Variants in RXRB observed in about 807,000 individuals in gnomAD.
RXRB encodes retinoic acid receptor RXR-beta.
Under a neutral mutation model 52.5 loss-of-function variants are expected in RXRB, and 18 were observed. The ratio of observed to expected loss-of-function variants is 0.34; its 90% CI spans 0.24 to 0.51. RXRB has a LOEUF of 0.51. Among genes scored for constraint, RXRB ranks in the 20% least tolerant of loss-of-function variants. The pLI, the probability that RXRB is intolerant of heterozygous loss-of-function variation, is 0.97. For missense variants in RXRB, 455 were observed against 698.2 expected, an observed-to-expected ratio of 0.65 and a Z score of 3.92; for synonymous variants, 233 against 267.1, an observed-to-expected ratio of 0.87 and a Z score of 1.25.
At chr6:33,198,600 T>G in intron 2 of RXRB, 136 bp from the exon 3 acceptor site, 1 of 878,960 alleles carries the variant, frequency 1.1e-6, no homozygotes, top group Non-Finnish European at 1.9e-6. Flanking sequence ...TACACTGCAG[T>G]CTATGTGAAA....
Position 33,196,466 on chromosome 6 carries a change from C to T in RXRB, c.961G>A (p.Gly321Ser), listed in dbSNP as rs756533342. The change falls in exon 5 of 10, where the codon GGT (glycine) becomes AGT (serine). Residue 321 changes from glycine (G) to serine (S), a missense_variant. Coordinates refer to ENST00000374680, the MANE Select transcript of RXRB (RefSeq NM_021976.5). This position sits in a 1 kb window ranked among gnomAD's most constrained non-coding sequence, Gnocchi z 4.0. ...VEQKSDQGVEGPGGTGGSGSS... is the reference protein window; with the variant it reads ...VEQKSDQGVESPGGTGGSGSS... ...CCGCTACCCCCGGTTCCCCCAGGACCCTCAACGCCCTGGTCACTCTTCTGT... is the reference window on the plus strand; with the variant it reads ...CCGCTACCCCCGGTTCCCCCAGGACTCTCAACGCCCTGGTCACTCTTCTGT... The T allele has an allele frequency of 7.4e-6, 12 of 1,612,956 alleles. No homozygotes were observed. In the African/African-American group the frequency reaches 1.5e-4, roughly 20 times the overall value.
chr6:33,194,620 C>G lies in RXRB; in HGVS notation c.*62G>C. On this transcript the variant is annotated 3_prime_UTR_variant, in exon 10 of 10. Transcript: ENST00000374680. The surrounding 1 kb of genome is among the most constrained non-coding windows in gnomAD (Gnocchi z 4.1). ...CATGGCCCCCCACCCTGCCCCAGGGCTTGGAGTCCCTCTTGGATGTGTGCT... is the reference window on the plus strand; with the variant it reads ...CATGGCCCCCCACCCTGCCCCAGGGGTTGGAGTCCCTCTTGGATGTGTGCT... 1 of 1,570,096 alleles carries G rather than the reference C, an allele frequency of 6.4e-7. No individual in the cohort carries two copies. The highest frequency in any genetic ancestry group is 8.7e-7 in the Non-Finnish European group (1 of 1,155,090).
At position 33,200,191 on chromosome 6, in the gene RXRB, T is replaced by A. The variant is rs1379221833; in HGVS notation, c.235+51A>T. 2 of 1,582,098 alleles carry A rather than the reference T, an allele frequency of 1.3e-6. No homozygotes were observed. The highest frequency in any genetic ancestry group is 2.3e-5 in the South Asian group (2 of 88,610). On this transcript the variant is annotated intron_variant, in intron 1 of 9. Transcript: ENST00000374680. The surrounding 1 kb of genome is among the most constrained non-coding windows in gnomAD (Gnocchi z 6.3). ...ACCGGGGGAGGGTGTGGGGGAGGGG[T>A]CGCAGATAAAGCGGTCACTGGCTCG...
chr6:33,196,357 G>T lies in RXRB; in HGVS notation c.993+77C>A. The T allele has an allele frequency of 7.2e-7, 1 of 1,391,372 alleles. No homozygotes were observed. The highest frequency in any genetic ancestry group is 1.0e-6 in the Non-Finnish European group (1 of 978,640). The allele number at this position is 1,391,372 out of a possible 1,614,324, so 86.2% of individuals were successfully genotyped here. ...GAAGGTTATGAGGGGAAAGGAGGGG[G>T]AGGGGATGTAGAACAGACCTAGACT... On this transcript the variant is annotated intron_variant, in intron 5 of 9. Coordinates refer to ENST00000374680, the MANE Select transcript of RXRB (RefSeq NM_021976.5). This position sits in a 1 kb window ranked among gnomAD's most constrained non-coding sequence, Gnocchi z 4.0.
At position 33,196,431 on chromosome 6, in the gene RXRB, C is replaced by CA; in HGVS notation, c.993+2dup. The stretch of plus-strand genomic sequence containing the variant: ...AGGAGAGTGGATTGACCCCAACACT[C>CA]ACGCTGCTGCCGCTACCCCCGGTTC... On this transcript the variant is annotated splice_region_variant and intron_variant, in intron 5 of 9. Transcript: ENST00000374680. The surrounding 1 kb of genome is among the most constrained non-coding windows in gnomAD (Gnocchi z 4.0). 6.2e-7 allele frequency: 1 copy of CA among 1,612,904 alleles called. No individual in the cohort carries two copies. The highest frequency in any genetic ancestry group is 2.2e-5 in the East Asian group (1 of 44,876).
At position 33,195,149 on chromosome 6, in the gene RXRB, C is replaced by T; in HGVS notation, c.1349-99G>A. 1.1e-6 allele frequency: 1 copy of T among 917,074 alleles called. No individual in the cohort carries two copies. The highest frequency in any genetic ancestry group is 2.0e-5 in the Admixed American group (1 of 51,046). The allele number at this position is 917,074 out of a possible 1,614,324, so 56.8% of individuals were successfully genotyped here. On this transcript the variant is annotated intron_variant, in intron 8 of 9. Transcript: ENST00000374680. The surrounding 1 kb of genome is among the most constrained non-coding windows in gnomAD (Gnocchi z 8.6). Reference sequence around the variant, plus strand: ...CACAGGATGCCCCTTTTGGGCTGCACTTGCTTGCCCTTTACCAGAGGCCTG... The same window carrying T: ...CACAGGATGCCCCTTTTGGGCTGCATTTGCTTGCCCTTTACCAGAGGCCTG...
At position 33,200,486 on chromosome 6, in the gene RXRB, C is replaced by A; in HGVS notation, c.-10G>T. ...GAGCGGCCCAAGACATGATCCCTGG[C>A]TGAGAGTAGGGATACCGAAGAGGTC... On this transcript the variant is annotated 5_prime_UTR_variant, in exon 1 of 10. Coordinates refer to ENST00000374680, the MANE Select transcript of RXRB (RefSeq NM_021976.5). This position sits in a 1 kb window ranked among gnomAD's most constrained non-coding sequence, Gnocchi z 6.3. 1 of 1,585,894 alleles carries A rather than the reference C, an allele frequency of 6.3e-7. No individual in the cohort carries two copies. The highest frequency in any genetic ancestry group is 1.8e-5 in the Admixed American group (1 of 56,300).
chr6:33,194,428 T>C lies in RXRB; in HGVS notation c.*254A>G, dbSNP rs938206844. 2.0e-5 allele frequency: 10 copies of C among 498,256 alleles called. No homozygotes were observed. The highest frequency in any genetic ancestry group is 1.9e-4 in the African/African-American group (10 of 51,636). 30.9% of individuals were successfully genotyped at this position (498,256 alleles called of 1,614,324 possible). On this transcript the variant is annotated 3_prime_UTR_variant, in exon 10 of 10. Transcript: ENST00000374680. The surrounding 1 kb of genome is among the most constrained non-coding windows in gnomAD (Gnocchi z 4.1). ...ACAGAGGGTGAGAAATCACCCCAAATCATGGGAGAACCCGACAAATTCAGA... is the reference window on the plus strand; with the variant it reads ...ACAGAGGGTGAGAAATCACCCCAAACCATGGGAGAACCCGACAAATTCAGA...
At chr6:33,199,140 C>A in intron 2 of RXRB, 29 bp downstream of exon 2, 1 of 1,290,012 alleles carries the variant, frequency 7.8e-7, no homozygotes, top group Non-Finnish European at 9.9e-7. Flanking sequence ...TGAAAGTGGC[C>A]AGGCAGTAAG....
Position 33,194,792 on chromosome 6 carries a change from A to G in RXRB, c.1492T>C (p.Ser498Pro). The G allele has an allele frequency of 6.2e-7, 1 of 1,613,064 alleles. No individual in the cohort carries two copies. Among genetic ancestry groups the G allele is most frequent in the Non-Finnish European group, 8.5e-7 (1 of 1,180,022 alleles). ...KLLLRLPALR[S>P]IGLKCLEHLF... ...TGCTCTAGACACTTAAGGCCAATGG[A>G]CCGGAGGGCAGGAAGACGTAGCAGC... The change falls in exon 10 of 10, where the codon TCC becomes CCC. Residue 498 changes from serine to proline, a missense_variant. Transcript: ENST00000374680. This position sits in a 1 kb window ranked among gnomAD's most constrained non-coding sequence, Gnocchi z 4.1.
intron 2 of RXRB, among the ~76,000 whole-genome samples, chr6:33,198,865 G>A (rs1774129085): frequency 7.2e-6 from 1 of 139,574 alleles, no homozygotes; most frequent in South Asian, 2.4e-4. Flanking sequence ...AGTGAGCTGA[G>A]ATTGTGCCAC....
chr6:33,198,471 T>C lies in RXRB; in HGVS notation c.484-7A>G. 2 of 1,612,256 alleles carry C rather than the reference T, an allele frequency of 1.2e-6. No individual in the cohort carries two copies. The highest frequency in any genetic ancestry group is 8.5e-7 in the Non-Finnish European group (1 of 1,179,480). ...GTGACACTGTTGAGTTAATCTGGGA[T>C]GGGGGAAATAGGGAAGTCACAGGAA... On this transcript the variant is annotated splice_polypyrimidine_tract_variant and splice_region_variant and intron_variant, in intron 2 of 9. Transcript: ENST00000374680.
rs958311791 is a variant in RXRB, at chr6:33,196,064, G to A, written c.994-28C>T. The A allele has an allele frequency of 8.1e-6, 13 of 1,612,314 alleles. No homozygotes were observed. The highest frequency in any genetic ancestry group is 1.0e-5 in the Non-Finnish European group (12 of 1,179,570). On this transcript the variant is annotated intron_variant, in intron 5 of 9. Coordinates refer to ENST00000374680, the MANE Select transcript of RXRB (RefSeq NM_021976.5). This position sits in a 1 kb window ranked among gnomAD's most constrained non-coding sequence, Gnocchi z 4.0. ...GCAGGGGACGGGGGTAAGAGTTATG[G>A]AAGATTTTGAGATATGCTGGGAGCC...
rs1773691212 is a variant in RXRB, at chr6:33,194,219, T to G, written c.*463A>C. On this transcript the variant is annotated 3_prime_UTR_variant, in exon 10 of 10. Coordinates refer to ENST00000374680, the MANE Select transcript of RXRB (RefSeq NM_021976.5). The surrounding 1 kb of genome is among the most constrained non-coding windows in gnomAD (Gnocchi z 4.1). ...TCCAGAGAGGCCCCCATCTGCCAGG[T>G]TTGAGAGGAGGAAGGCCTGTCAGGG... 6.5e-6 allele frequency: 1 copy of G among 154,828 alleles called. No homozygotes were observed. The highest frequency in any genetic ancestry group is 2.4e-5 in the African/African-American group (1 of 41,536). The allele number at this position is 154,828 out of a possible 1,614,324, so 9.6% of individuals were successfully genotyped here.
rs1773852660 is a variant in RXRB, at chr6:33,195,828, G to A, written c.1123+79C>T. ...TTGGCTCCCTGGGTACGCAAGGTAA[G>A]GCCACTGGGGTCACTAAAGATCGGG... On this transcript the variant is annotated intron_variant, in intron 6 of 9. Transcript: ENST00000374680. The surrounding 1 kb of genome is among the most constrained non-coding windows in gnomAD (Gnocchi z 8.6). 1 of 1,603,702 alleles carries A rather than the reference G, an allele frequency of 6.2e-7. No homozygotes were observed. Among genetic ancestry groups the A allele is most frequent in the African/African-American group, 1.3e-5 (1 of 74,394 alleles).
At position 33,200,258 on chromosome 6, in the gene RXRB, C is replaced by T. The variant is rs1774376128; in HGVS notation, c.219G>A (p.Met73Ile). 6.2e-7 allele frequency: 1 copy of T among 1,607,104 alleles called. No individual in the cohort carries two copies. The highest frequency in any genetic ancestry group is 1.3e-5 in the African/African-American group (1 of 74,816). The change falls in exon 1 of 10, where the codon ATG becomes ATA. Residue 73 changes from methionine (M) to isoleucine (I), a missense_variant. Physicochemically the swap from Met to Ile is conservative, Grantham distance 10. Transcript: ENST00000374680. This position sits in a 1 kb window ranked among gnomAD's most constrained non-coding sequence, Gnocchi z 6.3. ...GGCACTCACCCCGCCCGCTGTCGCC[C>T]ATCCCGTCCCGTCCAGCCTCCCCTG... ...PEPGEAGRDG[M>I]GDSGRDSRSP...
chr6:33,200,538 G>A lies in RXRB; in HGVS notation c.-62C>T, dbSNP rs1583427868. 6.6e-7 allele frequency: 1 copy of A among 1,520,434 alleles called. No individual in the cohort carries two copies. Among genetic ancestry groups the A allele is most frequent in the Admixed American group, 2.1e-5 (1 of 48,000 alleles). The allele number at this position is 1,520,434 out of a possible 1,614,324, so 94.2% of individuals were successfully genotyped here. A position where few individuals can be genotyped will look rare whatever the true frequency, so the allele number is the denominator to read the frequency against. On this transcript the variant is annotated 5_prime_UTR_variant, in exon 1 of 10. Transcript: ENST00000374680. The surrounding 1 kb of genome is among the most constrained non-coding windows in gnomAD (Gnocchi z 6.3). Reference sequence around the variant, plus strand: ...CAGGGATTCCCAAGGATTGATCGGAGGATTAGCTGAGCACGAGGAAGCCCC... The same window carrying A: ...CAGGGATTCCCAAGGATTGATCGGAAGATTAGCTGAGCACGAGGAAGCCCC...
intron 2 of RXRB, 103 bp downstream of exon 2, chr6:33,199,066 G>T: frequency 2.5e-6 from 2 of 808,262 alleles, no homozygotes; most frequent in Non-Finnish European, 3.4e-6. Context: ...TTAGAGGATT[G>T]GAAGGTCAAT....
At position 33,199,203 on chromosome 6, in the gene RXRB, G is replaced by A; in HGVS notation, c.449C>T (p.Pro150Leu). ...MGSPGLPPPA[P>L]PGFSGPVSSP... ...GCTGACAGGCCCGGAGAATCCTGGGGGAGCTGGAGGGGGCAGACCAGGGGA... is the reference window on the plus strand; with the variant it reads ...GCTGACAGGCCCGGAGAATCCTGGGAGAGCTGGAGGGGGCAGACCAGGGGA... Residue 150 changes from proline (P) to leucine (L), a missense_variant, in exon 2 of 10, where the codon CCC (proline) becomes CTC (leucine). Pro to Leu is a moderately conservative substitution (Grantham distance 98, BLOSUM62 -3). Around this residue, in one of 4 missense-constraint regions of RXRB, gnomAD observed 225 missense variants for 258.6 expected, o/e 0.87. Transcript: ENST00000374680. 7.7e-7 allele frequency: 1 copy of A among 1,293,320 alleles called. No homozygotes were observed. The allele number at this position is 1,293,320 out of a possible 1,614,324, so 80.1% of individuals were successfully genotyped here.
Sources: gnomAD v4.1 joint callset for allele counts (sites outside exome capture counted in the v4.1 genomes callset) on GRCh38, gnomAD v4.1.1 for gene constraint, gnomAD v4.1.1 regional missense constraint, Gnocchi (gnomAD v3.1) non-coding constraint, MANE v1.5 for transcripts, NCBI Gene and HGNC (gene_info 2026-07-23, HGNC 2026-07-21) for gene names.